DTWD2: variants seen among roughly 807,000 people sequenced by gnomAD.
The protein encoded by DTWD2 is tRNA-uridine aminocarboxypropyltransferase 2.
DTWD2 carries 39 observed loss-of-function variants against 31.8 expected under a neutral mutation model. The observed-to-expected ratio is 1.22, with a 90% CI of 0.95 to 1.60. DTWD2 has a LOEUF of 1.60. Ranked by LOEUF, DTWD2 falls within the 40% of genes most tolerant of loss-of-function variation. The pLI, the probability that DTWD2 is intolerant of heterozygous loss-of-function variation, is 0.00. For missense variants in DTWD2, 515 were observed against 381.5 expected (o/e 1.35, Z -2.92); for synonymous variants, 180 against 142.8 (o/e 1.26, Z -1.86).
At chr5:118,861,831 C>T (rs1024240247) in intron 4 of DTWD2, among the ~76,000 whole-genome samples, 6 of 152,048 alleles carry the variant, frequency 3.9e-5, no homozygotes, top group African/African-American at 1.4e-4. Flanking sequence ...TAGAGAGTAA[C>T]TGGAGAGGCT....
In DTWD2 at chr5:118,837,157, G is replaced by A. The variant is rs116592357; in HGVS notation, c.*3760C>T. On this transcript the variant is annotated 3_prime_UTR_variant, in exon 6 of 6. Transcript: ENST00000510708. Reference sequence around the variant, plus strand: ...AACAATGTAGGTGATGAAAGAGGGAGAGGAAGACCCTGGGAAGGAGGAAGA... The same window carrying A: ...AACAATGTAGGTGATGAAAGAGGGAAAGGAAGACCCTGGGAAGGAGGAAGA... 0.045 allele frequency among the ~76,000 whole-genome samples: 6,793 copies of A among 152,232 alleles called. 176 individuals carry two copies. Among genetic ancestry groups the A allele is most frequent in the African/African-American group, 0.071 (2,957 of 41,546 alleles).
intron 4 of DTWD2, among the ~76,000 whole-genome samples, chr5:118,868,838 TAAAA>T (rs758949446): frequency 9.3e-6 from 1 of 107,862 alleles, no homozygotes; most frequent in Admixed American, 1.0e-4. Context: ...CCCTGTCTCT[TAAAA>T]AAAAAAAAAA....
chr5:118,873,231 C>T (rs979668776), intron 4 of DTWD2, among the ~76,000 whole-genome samples: 4 of 152,188 alleles, frequency 2.6e-5, no homozygotes, highest in Admixed American at 6.5e-5. Flanking sequence ...TCCCGCTAGG[C>T]TCAACTTGCT....
intron 4 of DTWD2, among the ~76,000 whole-genome samples, chr5:118,878,226 A>G (rs1292141806): frequency 1.3e-5 from 2 of 152,258 alleles, no homozygotes; most frequent in Admixed American, 1.3e-4. Context: ...CAAAAAGGAC[A>G]AAGCTGGAAG....
intron 1 of DTWD2, among the ~76,000 whole-genome samples, chr5:118,969,574 C>A (rs1357178987): frequency 6.6e-6 from 1 of 152,166 alleles, no homozygotes; most frequent in Non-Finnish European, 1.5e-5. Flanking sequence ...CCCCAACAAC[C>A]ACAGCAGCCC....
chr5:118,905,456 A>G (rs890153723), intron 4 of DTWD2, among the ~76,000 whole-genome samples: 2 of 152,162 alleles, frequency 1.3e-5, no homozygotes, highest in Non-Finnish European at 2.9e-5. Flanking sequence ...CATTCACATC[A>G]TAAGTCTAGT....
At chr5:118,937,814 G>A (rs1670265869) in intron 3 of DTWD2, among the ~76,000 whole-genome samples, 1 of 151,966 alleles carries the variant, frequency 6.6e-6, no homozygotes, top group African/African-American at 2.4e-5. Flanking sequence ...CCTCACACTG[G>A]CATCCTAACC....
chr5:118,985,793 ATACTTT>A (rs1048165889), intron 1 of DTWD2, among the ~76,000 whole-genome samples: 2 of 152,132 alleles, frequency 1.3e-5, no homozygotes, highest in Non-Finnish European at 2.9e-5. Context: ...TATTTTACAA[ATACTTT>A]TACTTTGAAA....
intron 4 of DTWD2, among the ~76,000 whole-genome samples, chr5:118,906,648 G>A (rs963616048): frequency 8.6e-5 from 13 of 152,012 alleles, no homozygotes; most frequent in Admixed American, 1.3e-4. Flanking sequence ...CAAACTAATC[G>A]ATAGTGACAT....
At chr5:118,880,172 T>C (rs1386756906) in intron 4 of DTWD2, among the ~76,000 whole-genome samples, 1 of 152,204 alleles carries the variant, frequency 6.6e-6, no homozygotes, top group Non-Finnish European at 1.5e-5. Flanking sequence ...CTATTTGACA[T>C]TTTTCTGTTG....
At chr5:118,984,501 G>T (rs1429771249) in intron 1 of DTWD2, among the ~76,000 whole-genome samples, 1 of 150,624 alleles carries the variant, frequency 6.6e-6, no homozygotes, top group Admixed American at 6.6e-5. Context: ...TTTGTTACAA[G>T]AACTAAATAA....
At chr5:118,982,029 A>G (rs1755312812) in intron 1 of DTWD2, among the ~76,000 whole-genome samples, 1 of 152,224 alleles carries the variant, frequency 6.6e-6, no homozygotes, top group Non-Finnish European at 1.5e-5. Context: ...CTTATTAGTC[A>G]TCTGACCTAA....
Position 118,836,390 on chromosome 5 carries a change from C to A in DTWD2, c.*4527G>T, listed in dbSNP as rs1307890889. 1.3e-5 allele frequency among the ~76,000 whole-genome samples: 2 copies of A among 152,024 alleles called. No homozygotes were observed. Among genetic ancestry groups the A allele is most frequent in the Admixed American group, 6.6e-5 (1 of 15,266 alleles). ...AGTAGCTGGGATTACAGGTGCCTGC[C>A]ACTACGCCTGGCTAATTTTTGTATT... On this transcript the variant is annotated 3_prime_UTR_variant, in exon 6 of 6. Coordinates refer to ENST00000510708, the MANE Select transcript of DTWD2 (RefSeq NM_173666.4).
intron 4 of DTWD2, among the ~76,000 whole-genome samples, chr5:118,852,821 C>T (rs1292263320): frequency 6.6e-6 from 1 of 152,064 alleles, no homozygotes; most frequent in Admixed American, 6.6e-5. Context: ...GGCATGGAAT[C>T]AATCATGATG....
At chr5:118,954,188 T>G (rs568511279) in intron 1 of DTWD2, among the ~76,000 whole-genome samples, 20 of 152,156 alleles carry the variant, frequency 1.3e-4, no homozygotes, top group Admixed American at 1.2e-3. Context: ...GGAAGACTGC[T>G]CATACCCAGG....
intron 5 of DTWD2, among the ~76,000 whole-genome samples, chr5:118,845,166 A>G (rs1751821066): frequency 6.6e-6 from 1 of 152,196 alleles, no homozygotes; most frequent in African/African-American, 2.4e-5. Flanking sequence ...AGAAAAAAGA[A>G]AAAGAAAAGT....
chr5:118,847,110 T>G (rs1165594603), intron 5 of DTWD2, among the ~76,000 whole-genome samples: 1 of 152,148 alleles, frequency 6.6e-6, no homozygotes, highest in Non-Finnish European at 1.5e-5. Flanking sequence ...GCTATCTTTT[T>G]GTTCTCTTTA....
intron 4 of DTWD2, among the ~76,000 whole-genome samples, chr5:118,911,546 T>C (rs1753458603): frequency 6.6e-6 from 1 of 152,152 alleles, no homozygotes; most frequent in South Asian, 2.1e-4. Flanking sequence ...TGAAAAGACA[T>C]CTGCACTCCC....
intron 1 of DTWD2, among the ~76,000 whole-genome samples, chr5:118,981,149 A>C (rs1485066796): frequency 6.6e-6 from 1 of 152,248 alleles, no homozygotes; most frequent in African/African-American, 2.4e-5. Flanking sequence ...GTAAATTCAT[A>C]GAAACAAAAA....
Sources: allele counts gnomAD v4.1 joint callset (sites outside exome capture counted in the v4.1 genomes callset), GRCh38; gene constraint gnomAD v4.1.1; transcripts MANE v1.5; gene names NCBI Gene and HGNC (gene_info 2026-07-23, HGNC 2026-07-21).